Variants in THRA observed in about 807,000 individuals in gnomAD.
THRA encodes thyroid hormone receptor alpha, also known as EAR-7.
THRA carries 13 observed loss-of-function variants against 45.0 expected under a neutral mutation model. The ratio of observed to expected loss-of-function variants is 0.29; its 90% CI spans 0.19 to 0.46. The LOEUF is 0.46. THRA is among the 20% of genes least tolerant of loss of function. THRA has a pLI of 1.00. For synonymous variants in THRA, 195 were observed against 214.0 expected (o/e 0.91, Z 0.78); for missense variants, 278 against 556.1 (o/e 0.50, Z 5.03).
chr17:40,084,526 C>G (rs1281200978), intron 5 of THRA, 84 bp from the exon 6 acceptor site: 2 of 1,508,458 alleles, frequency 1.3e-6, no homozygotes, highest in Admixed American at 3.5e-5. Context: ...CCAACCTGTA[C>G]TCTAGGAAGA....
intron 4 of THRA, among the ~76,000 whole-genome samples, chr17:40,078,312 G>A (rs1329525855): frequency 6.6e-6 from 1 of 152,096 alleles, no homozygotes; most frequent in East Asian, 1.9e-4. Flanking sequence ...GTGAGACACT[G>A]TCTCTACAAA....
intron 2 of THRA, among the ~76,000 whole-genome samples, chr17:40,074,847 C>T (rs1200772557): frequency 1.3e-5 from 2 of 152,230 alleles, no homozygotes; most frequent in Non-Finnish European, 2.9e-5. Flanking sequence ...CATTGCTGCC[C>T]TTACCTTGAG....
intron 1 of THRA, among the ~76,000 whole-genome samples, chr17:40,064,638 A>G (rs1243879661): frequency 2.0e-5 from 3 of 152,234 alleles, no homozygotes; most frequent in Admixed American, 1.3e-4. Context: ...TAAAGCATGC[A>G]TTCCCAATGA....
At chr17:40,088,129 C>A in intron 7 of THRA, 113 bp from the exon 8 acceptor site, 1 of 1,414,970 alleles carries the variant, frequency 7.1e-7, no homozygotes, top group Non-Finnish European at 9.4e-7. Context: ...GTCAGCCGTT[C>A]AGAGTCCATG....
Position 40,069,189 on chromosome 17 carries a change from C to G in THRA, c.-297-5003C>G, listed in dbSNP as rs1598388373. ...TCCCTCCTTCTCTCCCTCCCTCTCT[C>G]TCTCTCACACACACACTCTCAATCT... On this transcript the variant is annotated intron_variant, in intron 1 of 8. Coordinates refer to ENST00000450525, the MANE Select transcript of THRA (RefSeq NM_199334.5). 2.7e-5 allele frequency among the ~76,000 whole-genome samples: 4 copies of G among 148,090 alleles called. 1 individual carries two copies. The South Asian group carries it at 6.6e-4, about 24-fold the overall frequency.
rs1279056146 is a variant in THRA at position 40,077,488 on chromosome 17, C to T, written c.122-20C>T. On this transcript the variant is annotated intron_variant, in intron 3 of 8. Transcript: ENST00000450525. ...ACTCCAAGCCATGCCTGCCTTCCTCCATCCTTTCCTTCCTCCCAGGGTATA... is the reference window on the plus strand; with the variant it reads ...ACTCCAAGCCATGCCTGCCTTCCTCTATCCTTTCCTTCCTCCCAGGGTATA... 6.2e-7 allele frequency: 1 copy of T among 1,608,306 alleles called. No homozygotes were observed. The highest frequency in any genetic ancestry group is 8.5e-7 in the Non-Finnish European group (1 of 1,175,010).
intron 4 of THRA, among the ~76,000 whole-genome samples, chr17:40,082,691 C>T (rs111825609): frequency 0.02 from 2,978 of 147,662 alleles, 108 homozygotes; most frequent in African/African-American, 0.07. Context: ...GGTTCCACCG[C>T]GGCTCAAACC....
intron 6 of THRA, among the ~76,000 whole-genome samples, chr17:40,085,883 C>G (rs1359994301): frequency 6.6e-6 from 1 of 152,188 alleles, no homozygotes; most frequent in Admixed American, 6.5e-5. Context: ...CTCAGGTGAT[C>G]TGCCTGCCTT....
rs113734366 is a variant in THRA, at chr17:40,089,054, G to A, written c.983-152G>A. On this transcript the variant is annotated intron_variant, in intron 8 of 8. Transcript: ENST00000450525. The surrounding 1 kb of genome is among the most constrained non-coding windows in gnomAD (Gnocchi z 6.1). ...CTCTCCCTGTGCTTCTCCTGTCCAC[G>A]TCTCTCAGGGGGAGCTTCTCCCCTC... is the stretch of plus-strand genomic sequence containing the variant. 3,151 of 431,312 alleles carry A rather than the reference G, an allele frequency of 7.3e-3. 25 individuals carry two copies. Among genetic ancestry groups the A allele is most frequent in the Non-Finnish European group, 8.4e-3 (2,116 of 252,468 alleles). 26.7% of individuals were successfully genotyped at this position (431,312 alleles called of 1,614,324 possible).
At chr17:40,086,468 A>T (rs1474385200) in intron 6 of THRA, among the ~76,000 whole-genome samples, 2 of 152,226 alleles carry the variant, frequency 1.3e-5, no homozygotes, top group African/African-American at 4.8e-5. Flanking sequence ...TCATATATTA[A>T]GTATTCAGTC....
chr17:40,075,769 G>T (rs1986933309), intron 2 of THRA, among the ~76,000 whole-genome samples: 1 of 152,192 alleles, frequency 6.6e-6, no homozygotes, highest in African/African-American at 2.4e-5. Context: ...TAGCTCAACT[G>T]GGGCCTAGGT....
Position 40,088,518 on chromosome 17 carries a change from G to A in THRA, c.982+18G>A, listed in dbSNP as rs374891705. On this transcript the variant is annotated intron_variant, in intron 8 of 8. Transcript: ENST00000450525. Reference sequence around the variant, plus strand: ...GTCAACAGGTACCTGCTGATTAGTCGGGAGGGCTCAGAAGCTTCCAGGGGT... The same window carrying A: ...GTCAACAGGTACCTGCTGATTAGTCAGGAGGGCTCAGAAGCTTCCAGGGGT... 4 of 1,599,174 alleles carry A rather than the reference G, an allele frequency of 2.5e-6. No individual in the cohort carries two copies. The highest frequency in any genetic ancestry group is 1.7e-5 in the Admixed American group (1 of 59,528).
Position 40,092,925 on chromosome 17 carries a change from T to C in THRA, c.*3469T>C. 1 of 1,502,852 alleles carries C rather than the reference T, an allele frequency of 6.7e-7. No individual in the cohort carries two copies. The highest frequency in any genetic ancestry group is 1.3e-5 in the South Asian group (1 of 74,190). 93.1% of individuals were successfully genotyped at this position (1,502,852 alleles called of 1,614,324 possible). ...GTGATGGGGGAGGGAGGCAGGTATT[T>C]ACAAGAAGGCTCAGGGGGCCAGAGG... On this transcript the variant is annotated 3_prime_UTR_variant, in exon 9 of 9. Transcript: ENST00000450525.
chr17:40,083,399 G>A (rs1987214812), intron 4 of THRA, among the ~76,000 whole-genome samples: 1 of 152,118 alleles, frequency 6.6e-6, no homozygotes. Context: ...TTTTAGTAGA[G>A]ACAGGGTTTC....
intron 6 of THRA, among the ~76,000 whole-genome samples, chr17:40,086,156 G>A (rs533451517): frequency 2.5e-4 from 38 of 152,288 alleles, no homozygotes; most frequent in Admixed American, 9.1e-4. Flanking sequence ...TTGGCTATAC[G>A]TGGTGAAGGA....
At position 40,084,618 on chromosome 17, in the gene THRA, G is replaced by A; in HGVS notation, c.379G>A (p.Asp127Asn). The change falls in exon 6 of 9, where the codon GAT becomes AAT. Residue 127 changes from aspartate (D) to asparagine (N), a missense_variant. Asp to Asn is a conservative substitution (Grantham distance 23, BLOSUM62 1). This residue lies in a region of THRA where 111 missense variants were observed against 167.1 expected (regional missense o/e 0.66). Transcript: ENST00000450525. ...TGCCTCTCTGTTCACAGTGGTTCTAGATGACTCGAAGCGGGTGGCCAAGCG... is the reference window on the plus strand; with the variant it reads ...TGCCTCTCTGTTCACAGTGGTTCTAAATGACTCGAAGCGGGTGGCCAAGCG... ...AVGMAMDLVL[D>N]DSKRVAKRKL... 6.2e-7 allele frequency: 1 copy of A among 1,614,144 alleles called. No individual in the cohort carries two copies. Among genetic ancestry groups the A allele is most frequent in the South Asian group, 1.1e-5 (1 of 91,076 alleles).
intron 1 of THRA, among the ~76,000 whole-genome samples, chr17:40,067,206 C>T (rs1388006718): frequency 4.6e-5 from 7 of 152,120 alleles, no homozygotes; most frequent in Admixed American, 6.5e-5. Flanking sequence ...CTTTGACCCT[C>T]GCCCTTCAGC....
intron 4 of THRA, among the ~76,000 whole-genome samples, chr17:40,077,944 G>A (rs544776642): frequency 4.6e-5 from 7 of 152,158 alleles, no homozygotes; most frequent in South Asian, 2.1e-4. Context: ...GTGACCACCC[G>A]TCTCAGCCTC....
rs372946406 is a variant in THRA at position 40,073,895 on chromosome 17, T to C, written c.-297-297T>C. On this transcript the variant is annotated intron_variant, in intron 1 of 8. Coordinates refer to ENST00000450525, the MANE Select transcript of THRA (RefSeq NM_199334.5). ...ATAGCTAGTGTTTAATAGTTGCTCATTAAGGGCCAGGCATTTGTCTGAATA... is the reference window on the plus strand; with the variant it reads ...ATAGCTAGTGTTTAATAGTTGCTCACTAAGGGCCAGGCATTTGTCTGAATA... Among the ~76,000 whole-genome samples the C allele has an allele frequency of 1.7e-3, 258 of 152,178 alleles. 12 individuals are homozygous for C. The South Asian group carries it at 0.051, about 30-fold the overall frequency.
Sources: gnomAD v4.1 joint callset for allele counts (sites outside exome capture counted in the v4.1 genomes callset) on GRCh38, gnomAD v4.1.1 for gene constraint, gnomAD v4.1.1 regional missense constraint, Gnocchi (gnomAD v3.1) non-coding constraint, MANE v1.5 for transcripts, NCBI Gene and HGNC (gene_info 2026-07-23, HGNC 2026-07-21) for gene names.